Variants in EGFL7 observed in about 807,000 individuals in gnomAD.
The protein encoded by EGFL7 is epidermal growth factor-like protein 7.
In EGFL7, 48 loss-of-function variants were observed where a neutral mutation model predicts 37.1. That is an observed-to-expected ratio of 1.29 (90% CI 1.03 to 1.65). The LOEUF is 1.65. Ranked by LOEUF, EGFL7 falls within the 40% of genes most tolerant of loss-of-function variation. The probability of loss-of-function intolerance (pLI) is 0.00; values close to 1 mark genes in which losing one functional copy is unlikely to be tolerated. For missense variants in EGFL7, 384 were observed against 378.9 expected, an observed-to-expected ratio of 1.01 and a Z score of -0.11; for synonymous variants, 180 against 156.8, an observed-to-expected ratio of 1.15 and a Z score of -1.10.
chr9:136,668,218 A>C (rs1845600619), intron 3 of EGFL7, 23 bp from the exon 4 acceptor site: 2 of 1,425,252 alleles, frequency 1.4e-6, no homozygotes, highest in South Asian at 2.5e-5. Context: ...GGGGAGACTT[A>C]GGGGTCATGC....
rs61736886 is a variant in EGFL7 at position 136,669,940 on chromosome 9, G to A, written c.340G>A (p.Gly114Arg). ...AATATGCCAGCCGCCATGCCGGAAC[G>A]GAGGGAGCTGTGTCCAGCCTGGCCG... ...AAICQPPCRN[G>R]GSCVQPGRCR... The change falls in exon 7 of 11, where the codon GGA (glycine) becomes AGA (arginine). Residue 114 changes from glycine (G) to arginine (R), a missense_variant. Coordinates refer to ENST00000308874, the MANE Select transcript of EGFL7 (RefSeq NM_016215.5). 890 of 1,605,494 alleles carry A rather than the reference G, an allele frequency of 5.5e-4. 5 individuals carry two copies. The African/African-American group carries it at 0.011, about 19-fold the overall frequency.
Position 136,672,269 on chromosome 9 carries a change from TGCAAGAA to T in EGFL7, c.806_812del (p.Cys269Ter), listed in dbSNP as rs750658869. 6.2e-7 allele frequency: 1 copy of T among 1,613,410 alleles called. No homozygotes were observed. Among genetic ancestry groups the T allele is most frequent in the Non-Finnish European group, 8.5e-7 (1 of 1,179,948 alleles). On this transcript the variant is annotated frameshift_variant, in exon 11 of 11. Coordinates refer to ENST00000308874, the MANE Select transcript of EGFL7 (RefSeq NM_016215.5). LOFTEE classifies it high-confidence loss of function. ...TTCGCCTCATCCAACCCTAGGCTCCTGCAAGAAAGACTCGTGACTGCCCAGCGCCCCA... is the reference window on the plus strand; with the variant it reads ...TTCGCCTCATCCAACCCTAGGCTCCTAGACTCGTGACTGCCCAGCGCCCCA...
rs908950092 is a variant in EGFL7 at position 136,669,546 on chromosome 9, C to T, written c.198-60C>T. The T allele has an allele frequency of 2.2e-5, 28 of 1,292,930 alleles. No homozygotes were observed. The Admixed American group carries it at 2.3e-4, about 11-fold the overall frequency. The allele number at this position is 1,292,930 out of a possible 1,614,324, so 80.1% of individuals were successfully genotyped here. ...GCACTCTGAGAGGGGACTCTAGATG[C>T]CCAGCAGGTGACTAAGGGGGAGTAG... is the stretch of plus-strand genomic sequence containing the variant. On this transcript the variant is annotated intron_variant, in intron 5 of 10. Transcript: ENST00000308874.
chr9:136,670,196 G>A lies in EGFL7; in HGVS notation c.437G>A (p.Gly146Asp). 1 of 1,612,660 alleles carries A rather than the reference G, an allele frequency of 6.2e-7. No individual in the cohort carries two copies. The highest frequency in any genetic ancestry group is 8.5e-7 in the Non-Finnish European group (1 of 1,179,856). ...SDVDECSARR[G>D]GCPQRCVNTA... is the part of the protein sequence containing the mutation. ...GTGGATGAATGCAGTGCTAGGAGGG[G>A]CGGCTGTCCCCAGCGCTGCGTCAAC... is the stretch of plus-strand genomic sequence containing the variant. The change falls in exon 8 of 11, where the codon GGC becomes GAC. Residue 146 changes from glycine to aspartate, a missense_variant. Transcript: ENST00000308874.
upstream of EGFL7, among the ~76,000 whole-genome samples, chr9:136,662,753 C>A (rs1845224064): frequency 6.6e-6 from 1 of 152,144 alleles, no homozygotes; most frequent in Non-Finnish European, 1.5e-5. Context: ...TTTGTCCAGG[C>A]CCCCTCACAC....
chr9:136,666,186 C>T lies in EGFL7; in HGVS notation c.-43+1401C>T, dbSNP rs1202055676. On this transcript the variant is annotated intron_variant, in intron 3 of 10. Transcript: ENST00000308874. The surrounding 1 kb of genome is among the most constrained non-coding windows in gnomAD (Gnocchi z 6.8). The stretch of plus-strand genomic sequence containing the variant: ...CGCCTGCTCCGCCCCCCGCGAACCC[C>T]GGAGCCAGCAGCGCGGCTGGGAGGG... Among the ~76,000 whole-genome samples the T allele has an allele frequency of 2.0e-5, 3 of 150,818 alleles. No homozygotes were observed. The highest frequency in any genetic ancestry group is 7.3e-5 in the African/African-American group (3 of 41,318).
chr9:136,669,232 TAAG>T lies in EGFL7; in HGVS notation c.198-370_198-368del, dbSNP rs202092065. Among the ~76,000 whole-genome samples, 94 of 152,304 alleles carry T rather than the reference TAAG, an allele frequency of 6.2e-4. 2 individuals are homozygous for T. The East Asian group carries it at 0.017, about 28-fold the overall frequency. On this transcript the variant is annotated intron_variant, in intron 5 of 10. Coordinates refer to ENST00000308874, the MANE Select transcript of EGFL7 (RefSeq NM_016215.5). ...CTGGGAATTCAGACTTCTGGAGGTT[TAAG>T]AAGGGCTCCGATGCCCAGGGCCCAC...
chr9:136,667,004 C>T (rs1364762655), intron 3 of EGFL7, among the ~76,000 whole-genome samples: 2 of 152,126 alleles, frequency 1.3e-5, no homozygotes, highest in Non-Finnish European at 2.9e-5. Context: ...CTCTCTCCAG[C>T]GCACAGAGGA....
chr9:136,669,722 GT>G lies in EGFL7; in HGVS notation c.313+2del. On this transcript the variant is annotated splice_donor_variant, in intron 6 of 10. Transcript: ENST00000308874. LOFTEE classifies it high-confidence loss of function. Reference sequence around the variant, plus strand: ...GGGCTTCCTGGGGCCTGTGGAGCAGGTGAGGGCTATGTCCCTCGGCGCCCGG... The same window carrying G: ...GGGCTTCCTGGGGCCTGTGGAGCAGGGAGGGCTATGTCCCTCGGCGCCCGG... 1.3e-6 allele frequency: 2 copies of G among 1,586,684 alleles called. No homozygotes were observed. The highest frequency in any genetic ancestry group is 1.3e-5 in the African/African-American group (1 of 74,626).
intron 3 of EGFL7, among the ~76,000 whole-genome samples, chr9:136,667,083 T>G (rs1244524971): frequency 6.6e-6 from 1 of 151,964 alleles, no homozygotes; most frequent in Admixed American, 6.5e-5. Context: ...GCAGTGCCCG[T>G]GGGAAGCAGG....
Position 136,666,723 on chromosome 9 carries a change from G to A in EGFL7, c.-42-1518G>A, listed in dbSNP as rs1845502195. On this transcript the variant is annotated intron_variant, in intron 3 of 10. Transcript: ENST00000308874. The surrounding 1 kb of genome is among the most constrained non-coding windows in gnomAD (Gnocchi z 6.8). ...GGCATCCCCCTGCCCACATCAAGCCGCCGGGCCGCTGCCCTACCTCTTCCT... is the reference window on the plus strand; with the variant it reads ...GGCATCCCCCTGCCCACATCAAGCCACCGGGCCGCTGCCCTACCTCTTCCT... 6.6e-6 allele frequency among the ~76,000 whole-genome samples: 1 copy of A among 152,010 alleles called. No individual in the cohort carries two copies. The highest frequency in any genetic ancestry group is 2.4e-5 in the African/African-American group (1 of 41,436).
chr9:136,668,242 C>A lies in EGFL7; in HGVS notation c.-41C>A. The A allele has an allele frequency of 6.4e-7, 1 of 1,551,338 alleles. No individual in the cohort carries two copies. On this transcript the variant is annotated splice_region_variant and 5_prime_UTR_variant, in exon 4 of 11. Coordinates refer to ENST00000308874, the MANE Select transcript of EGFL7 (RefSeq NM_016215.5). ...TAGGGGTCATGCTTTGTGCCCCAGG[C>A]CACCCAGAGGAGAAGGCCACCCCGC...
chr9:136,670,545 C>A, intron 8 of EGFL7: 1 of 801,530 alleles, frequency 1.2e-6, no homozygotes, highest in Non-Finnish European at 2.2e-6. Context: ...GGCAGAAGTG[C>A]CCCGTCCCGG....
Position 136,671,026 on chromosome 9 carries a change from G to T in EGFL7, c.636+12G>T, listed in dbSNP as rs1300644362. 2.6e-6 allele frequency: 2 copies of T among 759,080 alleles called. No individual in the cohort carries two copies. The highest frequency in any genetic ancestry group is 2.0e-5 in the South Asian group (1 of 49,604). The allele number at this position is 759,080 out of a possible 1,614,324, so 47.0% of individuals were successfully genotyped here. ...ACCTGCTGGAGGAGGTGAGGCATTG[G>T]TGGGGGGGGGGGGGGGCAGGCAGTC... is the stretch of plus-strand genomic sequence containing the variant. On this transcript the variant is annotated intron_variant, in intron 9 of 10. Coordinates refer to ENST00000308874, the MANE Select transcript of EGFL7 (RefSeq NM_016215.5).
rs1845278406 is a variant in EGFL7 at position 136,663,571 on chromosome 9, G to A, written c.-189G>A. The A allele has an allele frequency of 6.6e-6, 1 of 152,302 alleles. No homozygotes were observed. Among genetic ancestry groups the A allele is most frequent in the Non-Finnish European group, 1.5e-5 (1 of 68,106 alleles). 9.4% of individuals were successfully genotyped at this position (152,302 alleles called of 1,614,324 possible). On this transcript the variant is annotated 5_prime_UTR_variant, in exon 2 of 11. Transcript: ENST00000308874. Reference sequence around the variant, plus strand: ...CCGGGGAGGGGAACTGGCCCCGAGGGAGAGGAACCCCAAAGCCACATCTGT... The same window carrying A: ...CCGGGGAGGGGAACTGGCCCCGAGGAAGAGGAACCCCAAAGCCACATCTGT...
chr9:136,664,464 G>A (rs923986643), intron 2 of EGFL7, among the ~76,000 whole-genome samples: 4 of 151,988 alleles, frequency 2.6e-5, no homozygotes, highest in Non-Finnish European at 5.9e-5. Flanking sequence ...TCCAGGGCTG[G>A]AGGCAATAAC....
rs760829070 is a variant in EGFL7, at chr9:136,672,006, C to G, written c.717C>G (p.Leu239=). 6 of 1,544,200 alleles carry G rather than the reference C, an allele frequency of 3.9e-6. No individual in the cohort carries two copies. In the South Asian group the frequency reaches 4.8e-5, roughly 12 times the overall value. ...ATGGGCTCCCGGACCCCGGCAGCCT[C>G]CTGGTGCACTCCTTCCAGCAGCTCG... ...LEHGLPDPGS[L]LVHSFQQLGR... The change falls in exon 10 of 11, where the codon CTC becomes CTG. Residue 239 remains leucine (L), a synonymous_variant. Transcript: ENST00000308874.
At chr9:136,672,236 C>G (rs1213215652) in intron 10 of EGFL7, 28 bp from the exon 11 acceptor site, 1 of 1,613,354 alleles carries the variant, frequency 6.2e-7, no homozygotes, top group South Asian at 1.1e-5. Context: ...GAGCAGTGAT[C>G]TCTGACCTTC....
At chr9:136,667,645 C>T (rs1218918923) in intron 3 of EGFL7, among the ~76,000 whole-genome samples, 1 of 152,198 alleles carries the variant, frequency 6.6e-6, no homozygotes, top group Non-Finnish European at 1.5e-5. Flanking sequence ...TGGGAAGGAC[C>T]CCCTCTAAAA....
Sources: gnomAD v4.1 joint callset for allele counts (sites outside exome capture counted in the v4.1 genomes callset) on GRCh38, gnomAD v4.1.1 for gene constraint, Gnocchi (gnomAD v3.1) non-coding constraint, MANE v1.5 for transcripts, NCBI Gene and HGNC (gene_info 2026-07-23, HGNC 2026-07-21) for gene names.